TMEM45A: variants seen among roughly 807,000 people sequenced by gnomAD.
TMEM45A encodes DNA polymerase-transactivated protein 4.
Under a neutral mutation model 32.0 loss-of-function variants are expected in TMEM45A, and 25 were observed. The observed-to-expected ratio is 0.78, with a 90% confidence interval of 0.57 to 1.09. The LOEUF (loss-of-function observed/expected upper bound fraction) is 1.09, where lower values mean the gene tolerates loss of function less well. Among genes scored for constraint, TMEM45A ranks in the 50% least tolerant of loss-of-function variants. The pLI, the probability that TMEM45A is intolerant of heterozygous loss-of-function variation, is 0.00. For missense variants in TMEM45A, 302 were observed against 325.0 expected (o/e 0.93, Z 0.54); for synonymous variants, 122 against 114.8 (o/e 1.06, Z -0.40).
chr3:100,501,133 G>T (rs1708002753), intron 1 of TMEM45A, among the ~76,000 whole-genome samples: 2 of 152,186 alleles, frequency 1.3e-5, no homozygotes, highest in Non-Finnish European at 2.9e-5. Flanking sequence ...TGTACTACTT[G>T]TATAGTAAGC....
rs953082094 is a variant in TMEM45A, at chr3:100,557,034, C to T, written c.403+62C>T. The stretch of plus-strand genomic sequence containing the variant: ...ATTAGTGAGCATTTATGTAGCCCTT[C>T]ATATTAATATACCTCTGGCATCTTG... On this transcript the variant is annotated intron_variant, in intron 3 of 5. Transcript: ENST00000323523. 6.6e-6 allele frequency: 10 copies of T among 1,504,080 alleles called. No individual in the cohort carries two copies. In the African/African-American group the frequency reaches 9.6e-5, roughly 14 times the overall value. The allele number at this position is 1,504,080 out of a possible 1,614,324, so 93.2% of individuals were successfully genotyped here. A position where few individuals can be genotyped will look rare whatever the true frequency, so the allele number is the denominator to read the frequency against.
chr3:100,518,576 C>T (rs566688726), intron 1 of TMEM45A, among the ~76,000 whole-genome samples: 1 of 152,326 alleles, frequency 6.6e-6, no homozygotes, highest in South Asian at 2.1e-4. Flanking sequence ...GTGCACTCCA[C>T]ACTCATTCCA....
intron 1 of TMEM45A, among the ~76,000 whole-genome samples, chr3:100,524,984 T>C (rs1181023493): frequency 6.6e-6 from 1 of 151,880 alleles, no homozygotes; most frequent in Non-Finnish European, 1.5e-5. Flanking sequence ...TGGCCAGGAG[T>C]TGGAGACAAG....
intron 1 of TMEM45A, among the ~76,000 whole-genome samples, chr3:100,517,400 C>T (rs1708281453): frequency 6.6e-6 from 1 of 152,170 alleles, no homozygotes; most frequent in Admixed American, 6.5e-5. Flanking sequence ...ATGGAATATT[C>T]CTAATGAGGA....
At chr3:100,518,761 T>A (rs1461406553) in intron 1 of TMEM45A, among the ~76,000 whole-genome samples, 1 of 152,166 alleles carries the variant, frequency 6.6e-6, no homozygotes, top group Non-Finnish European at 1.5e-5. Context: ...TGGGTTAAGA[T>A]AAGCATGAGA....
At chr3:100,501,759 A>G (rs773692603) in intron 1 of TMEM45A, among the ~76,000 whole-genome samples, 7 of 152,134 alleles carry the variant, frequency 4.6e-5, no homozygotes, top group Non-Finnish European at 8.8e-5. Context: ...TGGTAGTAAC[A>G]TAGGTGTTTA....
intron 4 of TMEM45A, among the ~76,000 whole-genome samples, chr3:100,565,394 C>T (rs1706410642): frequency 6.6e-6 from 1 of 152,048 alleles, no homozygotes; most frequent in Non-Finnish European, 1.5e-5. Context: ...CTTAGTTTTC[C>T]CCGACTTACT....
At chr3:100,576,595 G>C (rs1380780154) in intron 5 of TMEM45A, among the ~76,000 whole-genome samples, 1 of 152,044 alleles carries the variant, frequency 6.6e-6, no homozygotes, top group Non-Finnish European at 1.5e-5. Flanking sequence ...ACTCCAGCCT[G>C]GGTGACAGAG....
At chr3:100,543,254 G>C (rs1365782505) in intron 1 of TMEM45A, among the ~76,000 whole-genome samples, 2 of 151,864 alleles carry the variant, frequency 1.3e-5, no homozygotes, top group East Asian at 3.9e-4. Context: ...TTTCTCTATT[G>C]ATGGATGTTC....
chr3:100,575,363 CTTTTTT>C (rs59739893), intron 5 of TMEM45A, among the ~76,000 whole-genome samples: 713 of 62,756 alleles, frequency 0.011, 5 homozygotes, highest in African/African-American at 0.036. Context: ...TATGGATTCT[CTTTTTT>C]TTTTTTTTTT....
chr3:100,567,721 G>A (rs1706473374), intron 4 of TMEM45A, among the ~76,000 whole-genome samples: 1 of 152,000 alleles, frequency 6.6e-6, no homozygotes, highest in Non-Finnish European at 1.5e-5. Context: ...AAACCTCCTT[G>A]ATTAAATTTA....
rs561777160 is a variant in TMEM45A, at chr3:100,505,336, G to C, written c.-4+12408G>C. ...GTTTCTAGGAAACTGACTTCCCACT[G>C]TTCTCCCTAACATCCCCCCAACCCA... is the stretch of plus-strand genomic sequence containing the variant. On this transcript the variant is annotated intron_variant, in intron 1 of 5. Coordinates refer to ENST00000323523, the MANE Select transcript of TMEM45A (RefSeq NM_018004.3). Among the ~76,000 whole-genome samples, 7 of 152,272 alleles carry C rather than the reference G, an allele frequency of 4.6e-5. No homozygotes were observed. In the East Asian group the frequency reaches 9.6e-4, roughly 21 times the overall value.
chr3:100,499,737 T>C (rs190667252), intron 1 of TMEM45A, among the ~76,000 whole-genome samples: 38 of 152,102 alleles, frequency 2.5e-4, no homozygotes, highest in Middle Eastern at 6.8e-3. Context: ...ATTAGCTGGG[T>C]GTGGTGGCAT....
intron 1 of TMEM45A, among the ~76,000 whole-genome samples, chr3:100,511,257 A>C (rs1169138848): frequency 6.6e-6 from 1 of 152,262 alleles, no homozygotes; most frequent in African/African-American, 2.4e-5. Context: ...GAAGCCCATC[A>C]GACTAACAGC....
In TMEM45A at chr3:100,527,216, G is replaced by A. The variant is rs1173583440; in HGVS notation, c.-3-27993G>A. On this transcript the variant is annotated intron_variant, in intron 1 of 5. Coordinates refer to ENST00000323523, the MANE Select transcript of TMEM45A (RefSeq NM_018004.3). ...ATATTTGTAAAGTGAGAATAAATGA[G>A]GGTCAATAAAAAAGTATTTCAAAAA... 2.0e-5 allele frequency among the ~76,000 whole-genome samples: 3 copies of A among 152,010 alleles called. No individual in the cohort carries two copies. In the South Asian group the frequency reaches 6.2e-4, roughly 32 times the overall value.
Position 100,495,430 on chromosome 3 carries a change from C to T in TMEM45A, c.-4+2502C>T, listed in dbSNP as rs143662909. Among the ~76,000 whole-genome samples the T allele has an allele frequency of 5.9e-5, 9 of 152,088 alleles. No homozygotes were observed. In the East Asian group the frequency reaches 1.5e-3, roughly 26 times the overall value. ...CTATGGCTGGAAAGTGAGGAGCTAT[C>T]CTGTGGATGTTGGGACATTGGGATA... On this transcript the variant is annotated intron_variant, in intron 1 of 5. Transcript: ENST00000323523.
At position 100,527,634 on chromosome 3, in the gene TMEM45A, C is replaced by T. The variant is rs114804520; in HGVS notation, c.-3-27575C>T. ...CCAGATCTCTCTCCATCCTGTCCTG[C>T]AATTTTATTGTGGGTGTTTTAGTAT... On this transcript the variant is annotated intron_variant, in intron 1 of 5. Transcript: ENST00000323523. Among the ~76,000 whole-genome samples, 1,243 of 152,242 alleles carry T rather than the reference C, an allele frequency of 8.2e-3. 6 individuals carry two copies. The highest frequency in any genetic ancestry group is 0.013 in the Non-Finnish European group (881 of 68,012).
At chr3:100,575,363 C>CTCTTTTTTTTTTTTTTTTTTT (rs1706660425) in intron 5 of TMEM45A, among the ~76,000 whole-genome samples, 9 of 62,760 alleles carry the variant, frequency 1.4e-4, no homozygotes, top group African/African-American at 4.8e-4. Context: ...TATGGATTCT[C>CTCTTTTTTTTTTTTTTTTTTT]TTTTTTTTTT....
chr3:100,568,407 C>T (rs1441791473), intron 4 of TMEM45A, among the ~76,000 whole-genome samples: 6 of 152,112 alleles, frequency 3.9e-5, no homozygotes, highest in Non-Finnish European at 7.3e-5. Context: ...ATCCATGTCT[C>T]GTTCCTGATA....
Sources: gnomAD v4.1 joint callset for allele counts (sites outside exome capture counted in the v4.1 genomes callset) on GRCh38, gnomAD v4.1.1 for gene constraint, MANE v1.5 for transcripts, NCBI Gene and HGNC (gene_info 2026-07-23, HGNC 2026-07-21) for gene names.